Variants in TXNDC8 observed in about 807,000 individuals in gnomAD.
TXNDC8 encodes thioredoxin domain containing 8, also known as thioredoxin domain-containing protein 8.
In TXNDC8, 15 loss-of-function variants were observed where a neutral mutation model predicts 12.9. That is an observed-to-expected ratio of 1.16 (90% CI 0.78 to 1.79). TXNDC8 has a LOEUF of 1.79. Ranked by LOEUF, TXNDC8 falls within the 40% of genes most tolerant of loss-of-function variation. The pLI, the probability that TXNDC8 is intolerant of heterozygous loss-of-function variation, is 0.00. For synonymous variants in TXNDC8, 40 were observed against 35.4 expected, an observed-to-expected ratio of 1.13 and a Z score of -0.46; for missense variants, 128 against 113.2, an observed-to-expected ratio of 1.13 and a Z score of -0.59.
At chr9:110,330,040 G>A (rs1839489951) in intron 2 of TXNDC8, among the ~76,000 whole-genome samples, 1 of 152,170 alleles carries the variant, frequency 6.6e-6, no homozygotes, top group Admixed American at 6.5e-5. Flanking sequence ...AGTGGCAGCA[G>A]CCACAGCAGC....
chr9:110,317,374 T>G (rs1838924393), intron 3 of TXNDC8, among the ~76,000 whole-genome samples: 1 of 152,186 alleles, frequency 6.6e-6, no homozygotes, highest in Non-Finnish European at 1.5e-5. Flanking sequence ...TCCCCATGTT[T>G]AGAGGTGAGC....
chr9:110,337,838 T>C lies in TXNDC8; in HGVS notation c.-42A>G, dbSNP rs775532070. ...TGCTGATGAAAATCCCCTGTTGGTT[T>C]AGTTGGATCACTGTAGCTGTCTCCT... is the stretch of plus-strand genomic sequence containing the variant. On this transcript the variant is annotated 5_prime_UTR_variant, in exon 1 of 5. Coordinates refer to ENST00000423740, the MANE Select transcript of TXNDC8 (RefSeq NM_001286946.2). The C allele has an allele frequency of 1.9e-6, 3 of 1,603,042 alleles. No individual in the cohort carries two copies. In the Admixed American group the frequency reaches 5.0e-5, roughly 27 times the overall value.
intron 2 of TXNDC8, among the ~76,000 whole-genome samples, chr9:110,328,444 C>T (rs896912189): frequency 3.3e-5 from 5 of 152,096 alleles, no homozygotes; most frequent in Admixed American, 6.6e-5. Context: ...ACACAAAAAG[C>T]GTAAGATATT....
At chr9:110,328,368 G>A (rs1435099507) in intron 2 of TXNDC8, among the ~76,000 whole-genome samples, 2 of 152,128 alleles carry the variant, frequency 1.3e-5, no homozygotes, top group African/African-American at 4.8e-5. Flanking sequence ...GATGGGATGA[G>A]GAAGGATGGC....
In TXNDC8 at chr9:110,329,417, C is replaced by T. The variant is rs929662239; in HGVS notation, c.130-3177G>A. 4 of 695,016 alleles carry T rather than the reference C, an allele frequency of 5.8e-6. No homozygotes were observed. The East Asian group carries it at 1.1e-4, about 19-fold the overall frequency. The allele number at this position is 695,016 out of a possible 1,614,324, so 43.1% of individuals were successfully genotyped here. On this transcript the variant is annotated intron_variant, in intron 2 of 4. Transcript: ENST00000423740. ...CTGTTAAAGAGGACTAAGCATCATT[C>T]TGACATTTCACTACAGCCTAGAGCC...
At chr9:110,325,058 G>A (rs1839252014) in intron 3 of TXNDC8, among the ~76,000 whole-genome samples, 1 of 152,136 alleles carries the variant, frequency 6.6e-6, no homozygotes, top group Non-Finnish European at 1.5e-5. Flanking sequence ...GTTGCAGTGA[G>A]CTGAGATGGG....
At chr9:110,322,612 C>A (rs947007567) in intron 3 of TXNDC8, 1 of 985,452 alleles carries the variant, frequency 1.0e-6, no homozygotes, top group Non-Finnish European at 1.2e-6. Context: ...CAGTTGAGAA[C>A]TCAGAGTCTT....
At chr9:110,316,167 C>T (rs1181627154) in intron 3 of TXNDC8, among the ~76,000 whole-genome samples, 3 of 147,040 alleles carry the variant, frequency 2.0e-5, no homozygotes, top group Non-Finnish European at 3.0e-5. Flanking sequence ...CTGCCTGCCT[C>T]GGCCTCCCAA....
chr9:110,325,938 C>T (rs765898973), intron 3 of TXNDC8, among the ~76,000 whole-genome samples: 5 of 152,158 alleles, frequency 3.3e-5, no homozygotes, highest in Non-Finnish European at 7.4e-5. Context: ...ACTTGGATAC[C>T]TCAGATGGTC....
At chr9:110,335,003 G>A (rs1839691283) in intron 1 of TXNDC8, among the ~76,000 whole-genome samples, 1 of 152,134 alleles carries the variant, frequency 6.6e-6, no homozygotes, top group South Asian at 2.1e-4. Context: ...TATCATCTAA[G>A]TAAATAAAGG....
At chr9:110,323,828 A>G (rs1165837121) in intron 3 of TXNDC8, 1 of 1,541,026 alleles carries the variant, frequency 6.5e-7, no homozygotes, top group Admixed American at 2.0e-5. Context: ...CTTCAGACTC[A>G]TATCTTCCCA....
chr9:110,332,856 T>C (rs1226066598), intron 2 of TXNDC8, among the ~76,000 whole-genome samples: 2 of 152,174 alleles, frequency 1.3e-5, no homozygotes, highest in African/African-American at 4.8e-5. Flanking sequence ...TGATTACAAC[T>C]CACTAGAATA....
intron 3 of TXNDC8, among the ~76,000 whole-genome samples, chr9:110,319,383 G>T (rs1448485847): frequency 6.6e-6 from 1 of 152,186 alleles, no homozygotes; most frequent in African/African-American, 2.4e-5. Flanking sequence ...GCCGTGCACA[G>T]CTAGATCCTG....
chr9:110,332,290 A>G (rs1363320656), intron 2 of TXNDC8, among the ~76,000 whole-genome samples: 1 of 152,182 alleles, frequency 6.6e-6, no homozygotes, highest in African/African-American at 2.4e-5. Context: ...TCCTGGCCCC[A>G]AGCAATCCTC....
At chr9:110,334,043 C>T (rs1479585765) in intron 2 of TXNDC8, among the ~76,000 whole-genome samples, 173 bp downstream of exon 2, 1 of 152,184 alleles carries the variant, frequency 6.6e-6, no homozygotes, top group Non-Finnish European at 1.5e-5. Flanking sequence ...CTGGTGTGTA[C>T]ACTTATTATC....
chr9:110,327,000 T>A (rs1839351275), intron 2 of TXNDC8, among the ~76,000 whole-genome samples: 1 of 149,892 alleles, frequency 6.7e-6, no homozygotes, highest in Non-Finnish European at 1.5e-5. Flanking sequence ...TATTATAATT[T>A]TTCATGACCA....
At chr9:110,326,333 T>C in intron 2 of TXNDC8, 93 bp from the exon 4 acceptor site, 3 of 1,321,968 alleles carry the variant, frequency 2.3e-6, no homozygotes, top group Non-Finnish European at 3.2e-6. Flanking sequence ...GAGGCGTGTC[T>C]GAAATTCCAA....
chr9:110,329,685 AG>A (rs1839478517), intron 2 of TXNDC8, among the ~76,000 whole-genome samples: 1 of 152,292 alleles, frequency 6.6e-6, no homozygotes, highest in Non-Finnish European at 1.5e-5. Flanking sequence ...CAGTTCTCCG[AG>A]CCAAACTCTA....
At position 110,305,677 on chromosome 9, in the gene TXNDC8, ACT is replaced by A. The variant is rs755458612; in HGVS notation, c.196-1147_196-1146del. On this transcript the variant is annotated intron_variant, in intron 3 of 4. Transcript: ENST00000423740. ...TCTTCTTTCTTTCTTTCTCTTTCTT[ACT>A]CTCTTTCTTTCTCCTCTTTATATCT... Among the ~76,000 whole-genome samples, 152 of 75,778 alleles carry A rather than the reference ACT, an allele frequency of 2.0e-3. 3 individuals are homozygous for A. The highest frequency in any genetic ancestry group is 7.3e-3 in the African/African-American group (141 of 19,408). 49.7% of individuals were successfully genotyped at this position (75,778 alleles called of 152,430 possible). A position where few individuals can be genotyped will look rare whatever the true frequency, so the allele number is the denominator to read the frequency against.
Sources: gnomAD v4.1 joint callset for allele counts (sites outside exome capture counted in the v4.1 genomes callset) on GRCh38, gnomAD v4.1.1 for gene constraint, MANE v1.5 for transcripts, NCBI Gene and HGNC (gene_info 2026-07-23, HGNC 2026-07-21) for gene names.